GRIN2A: variants seen among roughly 807,000 people sequenced by gnomAD.
GRIN2A encodes the protein glutamate ionotropic receptor NMDA type subunit 2A, also known as glutamate receptor ionotropic, NMDA 2A.
Under a neutral mutation model 113.4 loss-of-function variants are expected in GRIN2A, and 22 were observed. The ratio of observed to expected loss-of-function variants is 0.19; its 90% CI spans 0.14 to 0.28. The LOEUF (loss-of-function observed/expected upper bound fraction) is 0.28. GRIN2A is among the 10% of genes least tolerant of loss of function. GRIN2A has a pLI of 1.00. For synonymous variants in GRIN2A, 827 were observed against 738.4 expected (o/e 1.12, Z -1.94); for missense variants, 1,502 against 1,887.0 (o/e 0.80, Z 3.78).
At chr16:10,004,473 A>G (rs923742038) in intron 2 of GRIN2A, among the ~76,000 whole-genome samples, 1 of 152,086 alleles carries the variant, frequency 6.6e-6, no homozygotes, top group African/African-American at 2.4e-5. Flanking sequence ...AACAGTGTAC[A>G]TTTATTCCTT....
chr16:10,124,128 G>A (rs1177035736), intron 2 of GRIN2A, among the ~76,000 whole-genome samples: 6 of 152,112 alleles, frequency 3.9e-5, no homozygotes, highest in Non-Finnish European at 7.4e-5. Context: ...TTAAAAAAGC[G>A]AGGTATTGCA....
At chr16:9,880,171 C>A (rs2043448613) in intron 4 of GRIN2A, among the ~76,000 whole-genome samples, 1 of 152,134 alleles carries the variant, frequency 6.6e-6, no homozygotes, top group African/African-American at 2.4e-5. Flanking sequence ...GAAGAATCCA[C>A]TTCCAAGCTC....
At chr16:9,852,245 C>G (rs77657075) in intron 4 of GRIN2A, among the ~76,000 whole-genome samples, 1,843 of 152,304 alleles carry the variant, frequency 0.012, 53 homozygotes, top group African/African-American at 0.043. Context: ...GCTTTCTGAA[C>G]CCAAAGGTGC....
intron 2 of GRIN2A, among the ~76,000 whole-genome samples, chr16:10,039,666 T>G (rs1304534188): frequency 6.6e-6 from 1 of 151,290 alleles, no homozygotes; most frequent in Non-Finnish European, 1.5e-5. Flanking sequence ...CGGGGGCGGC[T>G]GCTCGCTCTA....
intron 2 of GRIN2A, among the ~76,000 whole-genome samples, chr16:9,991,061 T>C (rs2046103537): frequency 6.7e-6 from 1 of 150,030 alleles, no homozygotes; most frequent in Non-Finnish European, 1.5e-5. Flanking sequence ...GGTGAGACTC[T>C]GTCTCAAAAA....
At chr16:9,852,309 G>T (rs142698965) in intron 4 of GRIN2A, among the ~76,000 whole-genome samples, 4 of 152,246 alleles carry the variant, frequency 2.6e-5, no homozygotes, top group Non-Finnish European at 5.9e-5. Flanking sequence ...CCACGTTATA[G>T]CTCCAACACT....
Position 9,997,859 on chromosome 16 carries a change from C to T in GRIN2A, c.415-59308G>A, listed in dbSNP as rs1050622627. Among the ~76,000 whole-genome samples the T allele has an allele frequency of 2.0e-5, 3 of 152,304 alleles. No individual in the cohort carries two copies. In the East Asian group the frequency reaches 5.8e-4, roughly 29 times the overall value. On this transcript the variant is annotated intron_variant, in intron 2 of 12. Coordinates refer to ENST00000330684, the MANE Select transcript of GRIN2A (RefSeq NM_001134407.3). ...CTCTCTTGCCTGCCACCATGTAAGACATGCCTTTGTTCCTGCTTTACCTTC... is the reference window on the plus strand; with the variant it reads ...CTCTCTTGCCTGCCACCATGTAAGATATGCCTTTGTTCCTGCTTTACCTTC...
intron 4 of GRIN2A, among the ~76,000 whole-genome samples, chr16:9,875,706 A>T (rs960601083): frequency 6.6e-6 from 1 of 152,214 alleles, no homozygotes; most frequent in Non-Finnish European, 1.5e-5. Flanking sequence ...ATCAGATGCA[A>T]TGTGAAATAA....
intron 3 of GRIN2A, among the ~76,000 whole-genome samples, chr16:9,891,751 G>A (rs1394151472): frequency 1.3e-5 from 2 of 152,184 alleles, no homozygotes; most frequent in African/African-American, 2.4e-5. Context: ...GGCAAGAAAA[G>A]ACACAAACAG....
At chr16:9,823,113 C>G (rs1344908905) in intron 9 of GRIN2A, among the ~76,000 whole-genome samples, 4 of 152,174 alleles carry the variant, frequency 2.6e-5, no homozygotes, top group Non-Finnish European at 5.9e-5. Context: ...ACTCAAGCCC[C>G]CCATAAAGGC....
intron 10 of GRIN2A, among the ~76,000 whole-genome samples, chr16:9,813,521 C>CT (rs71380937): frequency 0.68 from 96,001 of 142,140 alleles, 32,727 homozygotes; most frequent in East Asian, 0.85. Context: ...TTTTTTTTGC[C>CT]TTTTTTTTTT....
At chr16:9,919,699 CTT>C (rs980916707) in intron 3 of GRIN2A, among the ~76,000 whole-genome samples, 1 of 152,212 alleles carries the variant, frequency 6.6e-6, no homozygotes, top group Non-Finnish European at 1.5e-5. Flanking sequence ...TCTCCAAAGA[CTT>C]TTCATAATAC....
intron 11 of GRIN2A, among the ~76,000 whole-genome samples, chr16:9,783,723 T>C (rs753313372): frequency 2.0e-5 from 3 of 152,204 alleles, no homozygotes; most frequent in African/African-American, 7.2e-5. Context: ...AACTGAGTGA[T>C]TGGATGGCAA....
At chr16:9,793,648 G>T (rs890934333) in intron 11 of GRIN2A, among the ~76,000 whole-genome samples, 7 of 151,988 alleles carry the variant, frequency 4.6e-5, no homozygotes, top group Non-Finnish European at 5.9e-5. Flanking sequence ...CTTGCCACAC[G>T]TGTTTTCTTT....
At chr16:9,808,515 A>G (rs139048445) in intron 10 of GRIN2A, among the ~76,000 whole-genome samples, 2 of 152,312 alleles carry the variant, frequency 1.3e-5, no homozygotes, top group East Asian at 3.9e-4. Context: ...AAATGCTATT[A>G]TGTGTTAGAT....
intron 10 of GRIN2A, among the ~76,000 whole-genome samples, chr16:9,812,734 C>T (rs2042110181): frequency 6.6e-6 from 1 of 152,098 alleles, no homozygotes; most frequent in Admixed American, 6.6e-5. Flanking sequence ...TGCTTTGTGT[C>T]CAAAGCAATT....
intron 2 of GRIN2A, among the ~76,000 whole-genome samples, chr16:10,044,022 T>TATATATATATATATATATATAG (rs531659457): frequency 9.3e-6 from 1 of 108,004 alleles, no homozygotes; most frequent in Non-Finnish European, 1.8e-5. Context: ...TATATATATA[T>TATATATATATATATATATATAG]AGAGAGAGAG....
Position 10,068,020 on chromosome 16 carries a change from C to A in GRIN2A, c.414+111978G>T, listed in dbSNP as rs548234331. ...TTAAACTCTCTAGGCTACAAGATGG[C>A]TGAAAGCCATCTGTGGGATAGATGA... On this transcript the variant is annotated intron_variant, in intron 2 of 12. Coordinates refer to ENST00000330684, the MANE Select transcript of GRIN2A (RefSeq NM_001134407.3). Among the ~76,000 whole-genome samples the A allele has an allele frequency of 6.6e-5, 10 of 152,336 alleles. No homozygotes were observed. In the South Asian group the frequency reaches 2.1e-3, roughly 32 times the overall value.
chr16:10,153,956 C>T (rs1479878390), intron 2 of GRIN2A, among the ~76,000 whole-genome samples: 5 of 152,156 alleles, frequency 3.3e-5, no homozygotes. Context: ...CACAAGGCTC[C>T]CCTCCTTTCT....
Sources: gnomAD v4.1 joint callset for allele counts (sites outside exome capture counted in the v4.1 genomes callset) on GRCh38, gnomAD v4.1.1 for gene constraint, MANE v1.5 for transcripts, NCBI Gene and HGNC (gene_info 2026-07-23, HGNC 2026-07-21) for gene names.